Variants in CAMK2D observed in about 807,000 individuals in gnomAD.
CAMK2D encodes the protein calcium/calmodulin dependent protein kinase II delta.
Under a neutral mutation model 84.0 loss-of-function variants are expected in CAMK2D, and 37 were observed. The ratio of observed to expected loss-of-function variants is 0.44; its 90% confidence interval spans 0.34 to 0.58. The LOEUF is 0.58. CAMK2D is among the 20% of genes least tolerant of loss of function. The pLI is 0.02. For synonymous variants in CAMK2D, 202 were observed against 212.5 expected, an observed-to-expected ratio of 0.95 and a Z score of 0.43; for missense variants, 448 against 652.5, an observed-to-expected ratio of 0.69 and a Z score of 3.41.
chr4:113,587,926 G>C (rs763886856), intron 4 of CAMK2D, among the ~76,000 whole-genome samples: 3 of 152,090 alleles, frequency 2.0e-5, no homozygotes, highest in Non-Finnish European at 4.4e-5. Flanking sequence ...ATGTCATCCA[G>C]ATCAGTAGGT....
intron 16 of CAMK2D, among the ~76,000 whole-genome samples, chr4:113,496,050 G>A (rs2097923836): frequency 1.3e-5 from 2 of 152,124 alleles, no homozygotes; most frequent in Admixed American, 6.5e-5. Flanking sequence ...GAGGCATTGC[G>A]GCATACAGCG....
intron 3 of CAMK2D, among the ~76,000 whole-genome samples, chr4:113,623,153 A>G (rs963119233): frequency 3.3e-5 from 5 of 152,254 alleles, no homozygotes; most frequent in Middle Eastern, 3.4e-3. Context: ...TAAAGCAATA[A>G]CCAGTTTAGT....
chr4:113,677,742 G>T (rs2099324654), intron 2 of CAMK2D: 1 of 152,840 alleles, frequency 6.5e-6, no homozygotes, highest in Non-Finnish European at 1.5e-5. Flanking sequence ...TGATATATAT[G>T]ATATGAGCTG....
chr4:113,570,436 G>A (rs902386924), intron 4 of CAMK2D, among the ~76,000 whole-genome samples: 22 of 152,096 alleles, frequency 1.4e-4, no homozygotes, highest in Admixed American at 1.4e-3. Context: ...AGAGTTACTG[G>A]CATATTGTCA....
At position 113,597,828 on chromosome 4, in the gene CAMK2D, G is replaced by A. The variant is rs529614508; in HGVS notation, c.275+11324C>T. Among the ~76,000 whole-genome samples the A allele has an allele frequency of 1.2e-4, 19 of 152,214 alleles. No individual in the cohort carries two copies. The South Asian group carries it at 3.7e-3, about 30-fold the overall frequency. ...AGATGTGTGACTCTTCCTTTCACTTGAGCACTTAGAGGCCAGTGAAAAGTT... is the reference window on the plus strand; with the variant it reads ...AGATGTGTGACTCTTCCTTTCACTTAAGCACTTAGAGGCCAGTGAAAAGTT... On this transcript the variant is annotated intron_variant, in intron 4 of 20. Coordinates refer to ENST00000511664, the MANE Select transcript of CAMK2D (RefSeq NM_001321571.2).
intron 4 of CAMK2D, among the ~76,000 whole-genome samples, chr4:113,608,358 C>A (rs185009621): frequency 1.4e-4 from 22 of 152,262 alleles, no homozygotes; most frequent in Non-Finnish European, 2.9e-4. Context: ...AGGCAGTAGT[C>A]CATTATATGA....
At chr4:113,660,049 G>T (rs2099222162) in intron 3 of CAMK2D, among the ~76,000 whole-genome samples, 1 of 152,092 alleles carries the variant, frequency 6.6e-6, no homozygotes, top group Non-Finnish European at 1.5e-5. Flanking sequence ...GAAATTGAAT[G>T]CCCCTACACA....
At chr4:113,618,610 T>G (rs942616487) in intron 3 of CAMK2D, among the ~76,000 whole-genome samples, 1 of 152,230 alleles carries the variant, frequency 6.6e-6, no homozygotes, top group Admixed American at 6.5e-5. Flanking sequence ...TGTAGACATA[T>G]TGTACTATAA....
At chr4:113,652,149 T>A (rs2099175860) in intron 3 of CAMK2D, among the ~76,000 whole-genome samples, 1 of 152,188 alleles carries the variant, frequency 6.6e-6, no homozygotes, top group Non-Finnish European at 1.5e-5. Context: ...TGCCAGAATA[T>A]GCAGGTTTGG....
intron 4 of CAMK2D, among the ~76,000 whole-genome samples, chr4:113,566,441 C>T (rs1182847017): frequency 1.3e-5 from 2 of 152,132 alleles, no homozygotes; most frequent in Admixed American, 1.3e-4. Context: ...CCATTCTGCC[C>T]TCCTATAATC....
At chr4:113,652,803 T>C (rs2099180404) in intron 3 of CAMK2D, among the ~76,000 whole-genome samples, 1 of 152,212 alleles carries the variant, frequency 6.6e-6, no homozygotes, top group East Asian at 1.9e-4. Flanking sequence ...TCAGTAAATA[T>C]TATGCATTGA....
intron 2 of CAMK2D, among the ~76,000 whole-genome samples, chr4:113,723,251 G>T: frequency 6.8e-6 from 1 of 146,640 alleles, no homozygotes; most frequent in African/African-American, 2.5e-5. Flanking sequence ...TTGAGACAGA[G>T]TCTTACTCTG....
At chr4:113,635,202 C>A (rs1021809868) in intron 3 of CAMK2D, among the ~76,000 whole-genome samples, 1 of 152,188 alleles carries the variant, frequency 6.6e-6, no homozygotes, top group Non-Finnish European at 1.5e-5. Context: ...CTTATACTTC[C>A]TCCTGGTAAA....
intron 16 of CAMK2D, among the ~76,000 whole-genome samples, chr4:113,482,276 C>T (rs1173230166): frequency 6.6e-6 from 1 of 151,714 alleles, no homozygotes; most frequent in Non-Finnish European, 1.5e-5. Context: ...GCAGTCAATT[C>T]CAAAAAAAAG....
intron 8 of CAMK2D, among the ~76,000 whole-genome samples, chr4:113,521,849 TGAAAG>T (rs1249376850): frequency 3.9e-5 from 6 of 152,270 alleles, no homozygotes; most frequent in African/African-American, 1.4e-4. Flanking sequence ...GAGTGGGAAA[TGAAAG>T]GGAGGAAATA....
At position 113,753,776 on chromosome 4, in the gene CAMK2D, CT is replaced by C. The variant is rs199964259; in HGVS notation, c.160+5543del. 0.018 allele frequency: 7,771 copies of C among 442,892 alleles called. 178 individuals carry two copies. The East Asian group carries it at 0.32, about 18-fold the overall frequency. 27.4% of individuals were successfully genotyped at this position (442,892 alleles called of 1,614,324 possible). On this transcript the variant is annotated intron_variant, in intron 2 of 20. Transcript: ENST00000511664. ...AACTTCCCCAAATCATTTATTTAGA[CT>C]TTTTTTTTCGGTTGGGTGGGGGCGG...
At chr4:113,541,518 T>A (rs187618060) in intron 6 of CAMK2D, among the ~76,000 whole-genome samples, 90 of 152,338 alleles carry the variant, frequency 5.9e-4, no homozygotes, top group Admixed American at 2.7e-3. Flanking sequence ...AGGCTTTTAT[T>A]TGTGCACATC....
intron 13 of CAMK2D, among the ~76,000 whole-genome samples, chr4:113,507,139 A>G (rs1456318746): frequency 2.0e-5 from 3 of 152,340 alleles, no homozygotes; most frequent in Non-Finnish European, 4.4e-5. Flanking sequence ...AATCTTTTGC[A>G]GTTATTTATA....
intron 4 of CAMK2D, among the ~76,000 whole-genome samples, chr4:113,568,910 T>C (rs1448932793): frequency 6.6e-6 from 1 of 152,240 alleles, no homozygotes; most frequent in Non-Finnish European, 1.5e-5. Context: ...GAAATGTTTA[T>C]TCAAGCCTTT....
Sources: allele counts gnomAD v4.1 joint callset (sites outside exome capture counted in the v4.1 genomes callset), GRCh38; gene constraint gnomAD v4.1.1; transcripts MANE v1.5; gene names NCBI Gene and HGNC (gene_info 2026-07-23, HGNC 2026-07-21).